Variants in PXDN observed in about 807,000 individuals in gnomAD.
PXDN encodes the protein peroxidasin homolog.
In PXDN, 77 loss-of-function variants were observed where a neutral mutation model predicts 140.3. That is an observed-to-expected ratio of 0.55 (90% CI 0.46 to 0.66). PXDN has a LOEUF of 0.66. Among genes scored for constraint, PXDN ranks in the 30% least tolerant of loss-of-function variants. The pLI is 0.00. For missense variants in PXDN, 1,838 were observed against 2,039.5 expected (o/e 0.90, Z 1.90); for synonymous variants, 911 against 857.4 (o/e 1.06, Z -1.09).
chr2:1,649,131 AG>A lies in PXDN; in HGVS notation c.2648del (p.Pro883LeufsTer7). 6.2e-7 allele frequency: 1 copy of A among 1,609,718 alleles called. No individual in the cohort carries two copies. The highest frequency in any genetic ancestry group is 8.5e-7 in the Non-Finnish European group (1 of 1,178,422). On this transcript the variant is annotated frameshift_variant, in exon 17 of 23. Coordinates refer to ENST00000252804, the MANE Select transcript of PXDN (RefSeq NM_012293.3). LOFTEE classifies it high-confidence loss of function. This position sits in a 1 kb window ranked among gnomAD's most constrained non-coding sequence, Gnocchi z 7.1. Reference protein sequence around the residue: ...ARCMFFVRSSPVCGSGMTSLL... With the variant: ...ARCMFFVRSSXVCGSGMTSLL... ...GCGAAGTCATGCCGCTGCCGCACAC[AG>A]GGCTGGAGCGCACGAAGAACATGCA...
chr2:1,659,830 C>T (rs1683261337), intron 14 of PXDN, among the ~76,000 whole-genome samples: 1 of 152,036 alleles, frequency 6.6e-6, no homozygotes, highest in African/African-American at 2.4e-5. Flanking sequence ...TGAGGAATTC[C>T]ATTACGGTTC....
intron 10 of PXDN, 30 bp from the exon 11 acceptor site, chr2:1,665,104 C>A: frequency 6.6e-7 from 1 of 1,518,732 alleles, no homozygotes; most frequent in African/African-American, 1.4e-5. Context: ...CAAAACAGGA[C>A]ATGTAAAAAA....
chr2:1,676,250 C>G (rs10197274), intron 8 of PXDN: 27,618 of 151,746 alleles, frequency 0.18, 2,868 homozygotes, highest in Non-Finnish European at 0.24. Flanking sequence ...ACCCCAGCAG[C>G]GCAGGGGTGC....
At chr2:1,675,024 C>T (rs906375855) in intron 8 of PXDN, among the ~76,000 whole-genome samples, 2 of 150,454 alleles carry the variant, frequency 1.3e-5, no homozygotes, top group African/African-American at 4.9e-5. Context: ...CCAACGCCCA[C>T]CTTCTCCCAA....
intron 16 of PXDN, among the ~76,000 whole-genome samples, chr2:1,652,106 A>G (rs1362372353): frequency 6.6e-6 from 1 of 152,170 alleles, no homozygotes; most frequent in African/African-American, 2.4e-5. Context: ...TCTTTCTATA[A>G]TTGGCATGTA....
chr2:1,726,373 A>C (rs1329067523), intron 1 of PXDN, among the ~76,000 whole-genome samples: 2 of 149,938 alleles, frequency 1.3e-5, no homozygotes, highest in Non-Finnish European at 2.9e-5. Context: ...GTGGGAATTT[A>C]ACAATGAGAA....
intron 1 of PXDN, among the ~76,000 whole-genome samples, chr2:1,706,704 T>C (rs902045123): frequency 1.0e-4 from 8 of 80,026 alleles, no homozygotes; most frequent in East Asian, 3.1e-4. Flanking sequence ...TAATACAACC[T>C]GAGAGCACGC....
chr2:1,653,613 G>C lies in PXDN; in HGVS notation c.2104+15C>G, dbSNP rs1187478252. The C allele has an allele frequency of 6.2e-7, 1 of 1,611,786 alleles. No homozygotes were observed. Among genetic ancestry groups the C allele is most frequent in the Admixed American group, 1.7e-5 (1 of 59,824 alleles). ...CTCAGGCCATGGAGGAGGAAGAAAA[G>C]GCTTTGGCACTGACTTGTTCCGTTG... On this transcript the variant is annotated intron_variant, in intron 16 of 22. Coordinates refer to ENST00000252804, the MANE Select transcript of PXDN (RefSeq NM_012293.3).
At chr2:1,712,879 C>G (rs1684815615) in intron 1 of PXDN, among the ~76,000 whole-genome samples, 1 of 152,132 alleles carries the variant, frequency 6.6e-6, no homozygotes, top group African/African-American at 2.4e-5. Flanking sequence ...CATCCGCCAC[C>G]AGGCCTGGCT....
Position 1,657,174 on chromosome 2 carries a change from G to C in PXDN, c.1838-2666C>G, listed in dbSNP as rs114083503. 4.6e-3 allele frequency among the ~76,000 whole-genome samples: 606 copies of C among 132,938 alleles called. 3 individuals carry two copies. Among genetic ancestry groups the C allele is most frequent in the African/African-American group, 0.018 (583 of 32,768 alleles). 87.2% of individuals were successfully genotyped at this position (132,938 alleles called of 152,430 possible). On this transcript the variant is annotated intron_variant, in intron 14 of 22. Transcript: ENST00000252804. ...GGGGACCTGCCTCCTACTGACTGGGGGGGAACCTGCCACCTCCTCCTGGGA... is the reference window on the plus strand; with the variant it reads ...GGGGACCTGCCTCCTACTGACTGGGCGGGAACCTGCCACCTCCTCCTGGGA...
At position 1,648,098 on chromosome 2, in the gene PXDN, A is replaced by AAC. The variant is rs1459794307; in HGVS notation, c.3608+72_3608+73dup. ...ACAAAACTCACACACAGAGACAAAT[A>AAC]ACACACACACCACAGTTCAGGTGTT... On this transcript the variant is annotated intron_variant, in intron 17 of 22. Transcript: ENST00000252804. This position sits in a 1 kb window ranked among gnomAD's most constrained non-coding sequence, Gnocchi z 8.9. The AAC allele has an allele frequency of 6.6e-7, 1 of 1,526,464 alleles. No individual in the cohort carries two copies. 94.6% of individuals were successfully genotyped at this position (1,526,464 alleles called of 1,614,324 possible). A position where few individuals can be genotyped will look rare whatever the true frequency, so the allele number is the denominator to read the frequency against.
chr2:1,720,363 C>CAGAG (rs1364252496), intron 1 of PXDN, among the ~76,000 whole-genome samples: 12 of 57,368 alleles, frequency 2.1e-4, no homozygotes, highest in Admixed American at 5.6e-4. Flanking sequence ...GGGAGGGATG[C>CAGAG]AGAGAGAGAG....
intron 1 of PXDN, among the ~76,000 whole-genome samples, chr2:1,704,347 A>G (rs978194918): frequency 0.052 from 1,185 of 22,864 alleles, no homozygotes; most frequent in Middle Eastern, 0.1. Flanking sequence ...TCCAGGTGAA[A>G]GAGGGACAAC....
chr2:1,691,708 G>C (rs1456595483), intron 3 of PXDN, among the ~76,000 whole-genome samples: 1 of 152,078 alleles, frequency 6.6e-6, no homozygotes. Context: ...CTTTACTAAG[G>C]CTTAGTGATG....
Position 1,744,405 on chromosome 2 carries a change from C to G in PXDN, c.51G>C (p.Val17=). ...CCAGCGTCCCCCAGGCGCAGAACAG[C>G]ACGAGCGCCAACAGGCAGCGGCGCC... ...GPGRRCLLAL[V]LFCAWGTLAV... is the part of the protein sequence containing the mutation. The change falls in exon 1 of 23, where the codon GTG becomes GTC. Residue 17 remains valine, a synonymous_variant. Transcript: ENST00000252804. 1.3e-6 allele frequency: 2 copies of G among 1,514,006 alleles called. No individual in the cohort carries two copies. The highest frequency in any genetic ancestry group is 1.8e-6 in the Non-Finnish European group (2 of 1,138,150). The allele number at this position is 1,514,006 out of a possible 1,614,324, so 93.8% of individuals were successfully genotyped here. A position where few individuals can be genotyped will look rare whatever the true frequency, so the allele number is the denominator to read the frequency against.
chr2:1,693,618 C>T (rs970654690), intron 1 of PXDN, among the ~76,000 whole-genome samples: 12 of 152,158 alleles, frequency 7.9e-5, no homozygotes, highest in Non-Finnish European at 1.6e-4. Flanking sequence ...GTTTCAAAAC[C>T]ACAAAAGTGA....
chr2:1,709,976 C>T (rs1684713768), intron 1 of PXDN, among the ~76,000 whole-genome samples: 2 of 152,138 alleles, frequency 1.3e-5, no homozygotes, highest in African/African-American at 4.8e-5. Context: ...GTTTGTGGGG[C>T]TGCCCAGGCT....
intron 3 of PXDN, among the ~76,000 whole-genome samples, chr2:1,690,799 T>A (rs988695090): frequency 1.3e-5 from 2 of 152,172 alleles, no homozygotes; most frequent in South Asian, 4.1e-4. Flanking sequence ...AAAAAGGATG[T>A]ATGTAACACT....
Position 1,744,356 on chromosome 2 carries a change from C to G in PXDN, c.100G>C (p.Ala34Pro), listed in dbSNP as rs1284512243. The change falls in exon 1 of 23, where the codon GCA (alanine) becomes CCA (proline). Residue 34 changes from alanine (A) to proline (P), a missense_variant. Ala to Pro is a conservative substitution (Grantham distance 27). Around this residue, in one of 5 missense-constraint regions of PXDN, gnomAD observed 231 missense variants for 201.5 expected, o/e 1.15. Transcript: ENST00000252804. ...CACAGGCAGCGGCTCGGACACCCTG[C>G]GCCCGGCTTCTGGGCCACCACGGCC... ...TLAVVAQKPG[A>P]GCPSRCLCFR... 1 of 1,527,038 alleles carries G rather than the reference C, an allele frequency of 6.5e-7. No homozygotes were observed. The highest frequency in any genetic ancestry group is 2.0e-5 in the Admixed American group (1 of 50,630). 94.6% of individuals were successfully genotyped at this position (1,527,038 alleles called of 1,614,324 possible).
Sources: allele counts gnomAD v4.1 joint callset (sites outside exome capture counted in the v4.1 genomes callset), GRCh38; gene constraint gnomAD v4.1.1; regional missense constraint gnomAD v4.1.1; non-coding constraint Gnocchi (gnomAD v3.1); transcripts MANE v1.5; gene names NCBI Gene and HGNC (gene_info 2026-07-23, HGNC 2026-07-21).